The following KLC4 variants were observed in gnomAD, a reference collection of about 807,000 sequenced individuals.
KLC4 encodes the protein kinesin light chain 4, also known as kinesin-like protein 8.
A neutral mutation model predicts 77.2 loss-of-function variants in KLC4; 49 were observed. The ratio of observed to expected loss-of-function variants is 0.63; its 90% confidence interval spans 0.50 to 0.80. The LOEUF is 0.80. Among genes scored for constraint, KLC4 ranks in the 30% least tolerant of loss-of-function variants. The probability of loss-of-function intolerance (pLI) is 0.00; values close to 1 mark genes in which losing one functional copy is unlikely to be tolerated. For missense variants in KLC4, 669 were observed against 793.5 expected, an observed-to-expected ratio of 0.84 and a Z score of 1.89; for synonymous variants, 274 against 314.5, an observed-to-expected ratio of 0.87 and a Z score of 1.36.
At position 43,059,643 on chromosome 6, in the gene KLC4, G is replaced by A. The variant is rs1765029193; in HGVS notation, c.-68G>A. 4 of 1,382,784 alleles carry A rather than the reference G, an allele frequency of 2.9e-6. No individual in the cohort carries two copies. Among genetic ancestry groups the A allele is most frequent in the Non-Finnish European group, 3.7e-6 (4 of 1,072,242 alleles). The allele number at this position is 1,382,784 out of a possible 1,614,324, so 85.7% of individuals were successfully genotyped here. On this transcript the variant is annotated 5_prime_UTR_variant, in exon 1 of 16. Coordinates refer to ENST00000347162, the MANE Select transcript of KLC4 (RefSeq NM_201521.3). ...AGCGGCAGCCATCATGGATTTAAAG[G>A]GGCAGTACCGGCAAGAGCGGCAGCC...
At position 43,065,276 on chromosome 6, in the gene KLC4, G is replaced by A. The variant is rs568765512; in HGVS notation, c.490-344G>A. The A allele has an allele frequency of 3.3e-5, 6 of 181,266 alleles. No homozygotes were observed. The South Asian group carries it at 6.4e-4, about 19-fold the overall frequency. 11.2% of individuals were successfully genotyped at this position (181,266 alleles called of 1,614,324 possible). A position where few individuals can be genotyped will look rare whatever the true frequency, so the allele number is the denominator to read the frequency against. Reference sequence around the variant, plus strand: ...TCTAGTAGAGATGGGGTTTCTCCACGTTGGTCAGGATGGTCTTGAACTCCT... The same window carrying A: ...TCTAGTAGAGATGGGGTTTCTCCACATTGGTCAGGATGGTCTTGAACTCCT... On this transcript the variant is annotated intron_variant, in intron 3 of 15. Coordinates refer to ENST00000347162, the MANE Select transcript of KLC4 (RefSeq NM_201521.3).
In KLC4 at chr6:43,070,748, G is replaced by A; in HGVS notation, c.1038G>A (p.Leu346=). ...AACAGCTGAACAACCTGGCCCTCTTGTGCCAAAACCAGGGCAAGTATGAGG... is the reference window on the plus strand; with the variant it reads ...AACAGCTGAACAACCTGGCCCTCTTATGCCAAAACCAGGGCAAGTATGAGG... The part of the protein sequence containing the change: ...VAKQLNNLAL[L]CQNQGKYEAV... The change falls in exon 8 of 16, where the codon TTG becomes TTA. Residue 346 remains leucine, a synonymous_variant. Transcript: ENST00000347162. The A allele has an allele frequency of 6.2e-7, 1 of 1,614,122 alleles. No individual in the cohort carries two copies. The highest frequency in any genetic ancestry group is 8.5e-7 in the Non-Finnish European group (1 of 1,180,004).
rs982236079 is a variant in KLC4 at position 43,062,698 on chromosome 6, T to A, written c.259-219T>A. On this transcript the variant is annotated intron_variant, in intron 2 of 15. Coordinates refer to ENST00000347162, the MANE Select transcript of KLC4 (RefSeq NM_201521.3). ...CAGTGAGGAAGTTATTGTAATAATT[T>A]GGGTAGGAATTGATAGTGGCTTGGT... is the stretch of plus-strand genomic sequence containing the variant. 1.0e-5 allele frequency: 6 copies of A among 575,860 alleles called. No individual in the cohort carries two copies. The South Asian group carries it at 1.3e-4, about 12-fold the overall frequency. 35.7% of individuals were successfully genotyped at this position (575,860 alleles called of 1,614,324 possible).
At position 43,059,848 on chromosome 6, in the gene KLC4, CAGAT is replaced by C. The variant is rs557531263; in HGVS notation, c.-26+167_-26+170del. 325 of 1,192,530 alleles carry C rather than the reference CAGAT, an allele frequency of 2.7e-4. No individual in the cohort carries two copies. In the African/African-American group the frequency reaches 4.0e-3, roughly 15 times the overall value. 73.9% of individuals were successfully genotyped at this position (1,192,530 alleles called of 1,614,324 possible). A position where few individuals can be genotyped will look rare whatever the true frequency, so the allele number is the denominator to read the frequency against. On this transcript the variant is annotated intron_variant, in intron 1 of 15. Coordinates refer to ENST00000347162, the MANE Select transcript of KLC4 (RefSeq NM_201521.3). ...TCTTCCCCGCCCCTCGGCGTCCAGA[CAGAT>C]AGACAGACGACCTGCCCCGCCCCCT...
At chr6:43,073,829 T>C in intron 14 of KLC4, 73 bp from the exon 15 acceptor site, 1 of 1,362,292 alleles carries the variant, frequency 7.3e-7, no homozygotes, top group Non-Finnish European at 1.1e-6. Flanking sequence ...GTGGCAGTGC[T>C]CAAGAGGCCC....
intron 1 of KLC4, chr6:43,060,126 C>T: frequency 1.3e-6 from 2 of 1,586,276 alleles, no homozygotes; most frequent in Non-Finnish European, 1.7e-6. Flanking sequence ...CCCATTCTTT[C>T]CTGCATCATC....
At chr6:43,064,067 C>A (rs577368186) in intron 3 of KLC4, among the ~76,000 whole-genome samples, 37 of 151,238 alleles carry the variant, frequency 2.4e-4, no homozygotes, top group Non-Finnish European at 4.4e-4. Flanking sequence ...AAACTCCTAG[C>A]CTCAAGTGAT....
In KLC4 at chr6:43,071,635, G is replaced by C. The variant is rs370455665; in HGVS notation, c.1308+16G>C. ...AATGAGCAAAGTGAGTGGGGGGAAG[G>C]GGGGCCAGCCTGGGGAGCTCAAGGC... is the stretch of plus-strand genomic sequence containing the variant. On this transcript the variant is annotated intron_variant, in intron 10 of 15. Coordinates refer to ENST00000347162, the MANE Select transcript of KLC4 (RefSeq NM_201521.3). 1.9e-6 allele frequency: 3 copies of C among 1,613,028 alleles called. No homozygotes were observed. The highest frequency in any genetic ancestry group is 4.5e-5 in the East Asian group (2 of 44,878).
intron 1 of KLC4, chr6:43,060,423 G>A (rs2150349029): frequency 6.8e-7 from 1 of 1,461,128 alleles, no homozygotes; most frequent in African/African-American, 1.4e-5. Context: ...GAGGGAGGGT[G>A]TTTGTCCTGG....
At chr6:43,074,519 T>C (rs1765883837) in intron 15 of KLC4, 103 bp from the exon 16 acceptor site, 4 of 994,808 alleles carry the variant, frequency 4.0e-6, no homozygotes, top group South Asian at 3.9e-5. Context: ...GATGTGATCC[T>C]AGGTCCAGAG....
At chr6:43,066,903 A>G (rs1765460409) in intron 5 of KLC4, 93 bp from the exon 6 acceptor site, 4 of 1,533,938 alleles carry the variant, frequency 2.6e-6, no homozygotes, top group Non-Finnish European at 2.6e-6. Flanking sequence ...GAGGTCTCCA[A>G]TCCTTAAATG....
At chr6:43,069,401 C>T (rs34978970) in intron 6 of KLC4, among the ~76,000 whole-genome samples, 3,000 of 152,104 alleles carry the variant, frequency 0.02, 46 homozygotes, top group Non-Finnish European at 0.032. Flanking sequence ...CGTGCTACCA[C>T]GCCAGGCTAA....
chr6:43,069,624 C>T (rs1268473246), intron 6 of KLC4, among the ~76,000 whole-genome samples: 1 of 152,138 alleles, frequency 6.6e-6, no homozygotes, highest in Admixed American at 6.5e-5. Flanking sequence ...GATCTTGGCT[C>T]ACTACAACCT....
intron 14 of KLC4, chr6:43,073,597 A>G (rs1765834876): frequency 3.7e-6 from 2 of 535,302 alleles, no homozygotes; most frequent in Non-Finnish European, 6.7e-6. Flanking sequence ...CAGGGAGCCA[A>G]GATCATGCCA....
chr6:43,071,680 C>G, intron 10 of KLC4, 61 bp downstream of exon 10: 1 of 1,548,522 alleles, frequency 6.5e-7, no homozygotes, highest in Admixed American at 1.7e-5. Context: ...CTCTGTCTTA[C>G]TCCTTGCATT....
intron 3 of KLC4, among the ~76,000 whole-genome samples, chr6:43,063,567 T>TC (rs1158723431): frequency 6.6e-6 from 1 of 152,004 alleles, no homozygotes; most frequent in African/African-American, 2.4e-5. Context: ...TTTTTTTTTT[T>TC]TTTGAGACGG....
Position 43,070,687 on chromosome 6 carries a change from T to C in KLC4, c.982-5T>C. The C allele has an allele frequency of 6.2e-7, 1 of 1,609,530 alleles. No homozygotes were observed. Among genetic ancestry groups the C allele is most frequent in the Non-Finnish European group, 8.5e-7 (1 of 1,176,154 alleles). ...CCATTTATCCACTCCTTTGTTCCCTTTCAGGTCCTGGGCACGAATCATCCA... is the reference window on the plus strand; with the variant it reads ...CCATTTATCCACTCCTTTGTTCCCTCTCAGGTCCTGGGCACGAATCATCCA... On this transcript the variant is annotated splice_region_variant and splice_polypyrimidine_tract_variant and intron_variant, in intron 7 of 15. Transcript: ENST00000347162.
intron 3 of KLC4, 116 bp downstream of exon 3, chr6:43,063,263 C>T (rs1027857443): frequency 1.4e-6 from 1 of 730,036 alleles, no homozygotes; most frequent in Non-Finnish European, 2.3e-6. Context: ...CCTGCTCTCA[C>T]CTGAAAGAAT....
In KLC4 at chr6:43,059,658, G is replaced by C. The variant is rs1487211785; in HGVS notation, c.-53G>C. The stretch of plus-strand genomic sequence containing the variant: ...GGATTTAAAGGGGCAGTACCGGCAA[G>C]AGCGGCAGCCACACCGGCAGATTGC... On this transcript the variant is annotated 5_prime_UTR_variant, in exon 1 of 16. Coordinates refer to ENST00000347162, the MANE Select transcript of KLC4 (RefSeq NM_201521.3). 7.4e-7 allele frequency: 1 copy of C among 1,355,556 alleles called. No individual in the cohort carries two copies. Among genetic ancestry groups the C allele is most frequent in the East Asian group, 2.8e-5 (1 of 35,738 alleles). 84.0% of individuals were successfully genotyped at this position (1,355,556 alleles called of 1,614,324 possible).
Sources: gnomAD v4.1 joint callset for allele counts (sites outside exome capture counted in the v4.1 genomes callset) on GRCh38, gnomAD v4.1.1 for gene constraint, MANE v1.5 for transcripts, NCBI Gene and HGNC (gene_info 2026-07-23, HGNC 2026-07-21) for gene names.